GALNT13: variants seen among roughly 807,000 people sequenced by gnomAD.
GALNT13 encodes the protein UDP-GalNAc:polypeptide N-acetylgalactosaminyltransferase 13.
A neutral mutation model predicts 64.2 loss-of-function variants in GALNT13; 28 were observed. The ratio of observed to expected loss-of-function variants is 0.44; its 90% CI spans 0.32 to 0.60. The LOEUF is 0.60. Ranked by LOEUF, GALNT13 falls within the 20% of genes least tolerant of loss-of-function variation. The pLI is 0.05. For missense variants in GALNT13, 577 were observed against 669.8 expected, an observed-to-expected ratio of 0.86 and a Z score of 1.53; for synonymous variants, 214 against 224.6, an observed-to-expected ratio of 0.95 and a Z score of 0.42.
chr2:153,272,852 A>G, the GALNT13 span, among the ~76,000 whole-genome samples: 1 of 142,410 alleles, frequency 7.0e-6, no homozygotes, highest in African/African-American at 3.1e-5. Flanking sequence ...AATCGCAAAG[A>G]CTTGGAATCA....
At chr2:153,585,520 A>C in the GALNT13 span, among the ~76,000 whole-genome samples, 1 of 152,242 alleles carries the variant, frequency 6.6e-6, no homozygotes, top group Admixed American at 6.5e-5. Context: ...ACAAAATAAT[A>C]GATGAAAACT....
the GALNT13 span, among the ~76,000 whole-genome samples, chr2:153,528,839 A>C: frequency 1.3e-5 from 2 of 152,048 alleles, no homozygotes; most frequent in Non-Finnish European, 2.9e-5. Context: ...TTAATAAAGA[A>C]ATTAAGAAGG....
chr2:154,110,378 C>CAG (rs1293098530), intron 3 of GALNT13, among the ~76,000 whole-genome samples: 1,125 of 49,996 alleles, frequency 0.023, 40 homozygotes, highest in East Asian at 0.13. Context: ...GAGAGAGAGA[C>CAG]AGAGAGAGAG....
intron 9 of GALNT13, among the ~76,000 whole-genome samples, chr2:154,340,864 G>A (rs1204296799): frequency 6.6e-6 from 1 of 150,950 alleles, no homozygotes; most frequent in Non-Finnish European, 1.5e-5. Flanking sequence ...AGTTAAGTTA[G>A]GCAGTCACAG....
chr2:153,557,596 T>A, the GALNT13 span, among the ~76,000 whole-genome samples: 1 of 152,186 alleles, frequency 6.6e-6, no homozygotes, highest in Non-Finnish European at 1.5e-5. Context: ...CAGTTTGCAA[T>A]CTTTATATCT....
chr2:154,425,409 G>T, intron 11 of GALNT13, among the ~76,000 whole-genome samples: 1 of 152,070 alleles, frequency 6.6e-6, no homozygotes, highest in Non-Finnish European at 1.5e-5. Context: ...TACATGCTTA[G>T]ATCAGTAAGA....
intron 4 of GALNT13, among the ~76,000 whole-genome samples, chr2:154,160,555 A>G (rs544211288): frequency 1.4e-4 from 21 of 152,100 alleles, no homozygotes; most frequent in Admixed American, 4.6e-4. Context: ...CCTGCCTTAC[A>G]TGTCTCCAAA....
At chr2:154,001,112 CT>C (rs1280023207) in intron 3 of GALNT13, among the ~76,000 whole-genome samples, 2 of 151,936 alleles carry the variant, frequency 1.3e-5, no homozygotes, top group Non-Finnish European at 2.9e-5. Flanking sequence ...TACTTACACT[CT>C]TTTTTTAGTT....
intron 10 of GALNT13, among the ~76,000 whole-genome samples, chr2:154,406,564 A>G (rs1326603071): frequency 1.3e-5 from 2 of 152,106 alleles, no homozygotes; most frequent in African/African-American, 4.8e-5. Flanking sequence ...CCTTCCATAG[A>G]TGAAAATATG....
chr2:154,010,541 A>C (rs966546168), intron 3 of GALNT13, among the ~76,000 whole-genome samples: 1 of 152,072 alleles, frequency 6.6e-6, no homozygotes, highest in Non-Finnish European at 1.5e-5. Flanking sequence ...TATTGGCCTG[A>C]AGTCTTCTCT....
the GALNT13 span, among the ~76,000 whole-genome samples, chr2:153,680,458 T>C: frequency 6.6e-6 from 1 of 151,894 alleles, no homozygotes; most frequent in African/African-American, 2.4e-5. Flanking sequence ...TAGGATCAAA[T>C]TGGAGTTTGC....
chr2:154,079,683 T>G (rs2105410416), intron 3 of GALNT13, among the ~76,000 whole-genome samples: 1 of 151,688 alleles, frequency 6.6e-6, no homozygotes, highest in African/African-American at 2.4e-5. Flanking sequence ...GAGATGAGCA[T>G]GCAGAGTGTG....
intron 3 of GALNT13, among the ~76,000 whole-genome samples, chr2:154,025,680 T>A (rs1255053992): frequency 6.6e-6 from 1 of 152,210 alleles, no homozygotes; most frequent in Non-Finnish European, 1.5e-5. Context: ...TCAACAAATC[T>A]TTATTAATTA....
chr2:154,113,008 C>T (rs1703072611), intron 3 of GALNT13, among the ~76,000 whole-genome samples: 1 of 152,184 alleles, frequency 6.6e-6, no homozygotes, highest in Admixed American at 6.5e-5. Flanking sequence ...CTGCTGCACA[C>T]AACCCACTTT....
chr2:154,063,406 CT>C (rs1216762522), intron 3 of GALNT13, among the ~76,000 whole-genome samples: 1 of 152,120 alleles, frequency 6.6e-6, no homozygotes, highest in African/African-American at 2.4e-5. Context: ...TATGCCTTCT[CT>C]TTTGCAAATT....
the GALNT13 span, among the ~76,000 whole-genome samples, chr2:153,444,759 G>A: frequency 1.3e-5 from 2 of 152,098 alleles, no homozygotes; most frequent in Non-Finnish European, 2.9e-5. Flanking sequence ...ATGTTGCTAT[G>A]TATCAGTGTT....
At chr2:153,234,249 C>T in the GALNT13 span, among the ~76,000 whole-genome samples, 1 of 152,118 alleles carries the variant, frequency 6.6e-6, no homozygotes, top group Non-Finnish European at 1.5e-5. Flanking sequence ...GCACCAGCTG[C>T]AGAACAGGCC....
the GALNT13 span, among the ~76,000 whole-genome samples, chr2:153,172,891 T>C: frequency 2.6e-4 from 39 of 152,260 alleles, no homozygotes; most frequent in South Asian, 6.4e-3. Context: ...TTTGACACTT[T>C]TGCAGGCAGT....
At chr2:153,631,188 A>G in the GALNT13 span, among the ~76,000 whole-genome samples, 1 of 152,000 alleles carries the variant, frequency 6.6e-6, no homozygotes. Flanking sequence ...TATGTGCCAC[A>G]TTTTCTTAAT....
Sources: allele counts gnomAD v4.1 joint callset (sites outside exome capture counted in the v4.1 genomes callset), GRCh38; gene constraint gnomAD v4.1.1; transcripts MANE v1.5; gene names NCBI Gene and HGNC (gene_info 2026-07-23, HGNC 2026-07-21).